EEF1A2: variants seen among roughly 807,000 people sequenced by gnomAD.
The protein encoded by EEF1A2 is elongation factor 1-alpha 2.
In EEF1A2, 5 loss-of-function variants were observed where a neutral mutation model predicts 39.3. The observed-to-expected ratio is 0.13, with a 90% CI of 0.07 to 0.27. The LOEUF is 0.27. Ranked by LOEUF, EEF1A2 falls within the 10% of genes least tolerant of loss-of-function variation. The pLI, the probability that EEF1A2 is intolerant of heterozygous loss-of-function variation, is 1.00. For synonymous variants in EEF1A2, 287 were observed against 293.7 expected, an observed-to-expected ratio of 0.98 and a Z score of 0.23; for missense variants, 218 against 681.4, an observed-to-expected ratio of 0.32 and a Z score of 7.57.
In EEF1A2 at chr20:63,488,979, G is replaced by C. The variant is rs758653621; in HGVS notation, c.1203C>G (p.Ile401Met). 3 of 1,612,584 alleles carry C rather than the reference G, an allele frequency of 1.9e-6. No homozygotes were observed. Among genetic ancestry groups the C allele is most frequent in the Middle Eastern group, 1.7e-4 (1 of 6,060 alleles). Residue 401 changes from isoleucine (I) to methionine (M), a missense_variant, in exon 7 of 8, where the codon ATC becomes ATG. This residue lies in a region of EEF1A2 where 80 missense variants were observed against 295.9 expected (regional missense o/e 0.27). Transcript: ENST00000217182. Reference sequence around the variant, plus strand: ...TGGGCTTTCCCGGCACCATCTCCACGATGGCCGCGTCTCCAGACTTCAGGG... The same window carrying C: ...TGGGCTTTCCCGGCACCATCTCCACCATGGCCGCGTCTCCAGACTTCAGGG... ...PKSLKSGDAA[I>M]VEMVPGKPMC...
intron 6 of EEF1A2, among the ~76,000 whole-genome samples, chr20:63,489,686 G>A (rs527972273): frequency 2.6e-5 from 4 of 152,286 alleles, no homozygotes; most frequent in East Asian, 1.9e-4. Context: ...GGGAGGCTGA[G>A]GCAGGAGAAT....
intron 5 of EEF1A2, 134 bp downstream of exon 5, chr20:63,493,003 G>T (rs994019040): frequency 2.4e-6 from 3 of 1,247,178 alleles, no homozygotes; most frequent in African/African-American, 3.1e-5. Context: ...ATGTGGGATG[G>T]ACTGTCCCAC....
intron 5 of EEF1A2, among the ~76,000 whole-genome samples, chr20:63,492,472 A>ATG (rs1568996215): frequency 0.044 from 1,652 of 37,748 alleles, no homozygotes; most frequent in African/African-American, 0.15. Context: ...ATGGATGGAG[A>ATG]GATGGATGGA....
In EEF1A2 at chr20:63,498,840, CG is replaced by C. The variant is rs1202309101; in HGVS notation, c.-72+217del. 6.6e-6 allele frequency: 1 copy of C among 150,684 alleles called. No homozygotes were observed. Among genetic ancestry groups the C allele is most frequent in the East Asian group, 2.0e-4 (1 of 5,072 alleles). The allele number at this position is 150,684 out of a possible 1,614,324, so 9.3% of individuals were successfully genotyped here. A position where few individuals can be genotyped will look rare whatever the true frequency, so the allele number is the denominator to read the frequency against. ...CCCCGCGGCCCCAAGGTCACGGCTA[CG>C]GGGCGATCGCCGCCCAGGACCCGGC... On this transcript the variant is annotated intron_variant, in intron 1 of 7. Coordinates refer to ENST00000217182, the MANE Select transcript of EEF1A2 (RefSeq NM_001958.5). This position sits in a 1 kb window ranked among gnomAD's most constrained non-coding sequence, Gnocchi z 4.1.
chr20:63,489,627 A>G (rs1568994720), intron 6 of EEF1A2, among the ~76,000 whole-genome samples: 1 of 152,158 alleles, frequency 6.6e-6, no homozygotes, highest in Non-Finnish European at 1.5e-5. Flanking sequence ...TACTAATAAT[A>G]CAAAAATTAG....
intron 4 of EEF1A2, among the ~76,000 whole-genome samples, chr20:63,493,567 C>T (rs1385649678): frequency 6.6e-6 from 1 of 152,192 alleles, no homozygotes; most frequent in East Asian, 1.9e-4. Context: ...AACAAATCCC[C>T]AGTCCAGCCC....
intron 5 of EEF1A2, among the ~76,000 whole-genome samples, chr20:63,492,490 A>G (rs2082391519): frequency 6.6e-6 from 1 of 152,008 alleles, no homozygotes; most frequent in African/African-American, 2.4e-5. Flanking sequence ...GGATGGATGG[A>G]TGGACAGAAG....
Position 63,489,266 on chromosome 20 carries a change from C to T in EEF1A2, c.1030-114G>A, listed in dbSNP as rs556211743. On this transcript the variant is annotated intron_variant, in intron 6 of 7. Transcript: ENST00000217182. ...GCGCCCCTGCACGGGCTCCTGGGCC[C>T]GGAGTGCTGACTGGAGGGGGCTCAG... 9.9e-5 allele frequency: 104 copies of T among 1,046,076 alleles called. 1 individual carries two copies. The highest frequency in any genetic ancestry group is 1.8e-4 in the East Asian group (7 of 38,490). The allele number at this position is 1,046,076 out of a possible 1,614,324, so 64.8% of individuals were successfully genotyped here.
intron 5 of EEF1A2, among the ~76,000 whole-genome samples, chr20:63,491,875 T>TGGGG (rs1448402618): frequency 1.3e-5 from 1 of 78,930 alleles, no homozygotes; most frequent in Non-Finnish European, 3.1e-5. Context: ...GGTGGATGGA[T>TGGGG]AGATGGATGG....
intron 4 of EEF1A2, among the ~76,000 whole-genome samples, 178 bp from the exon 5 acceptor site, chr20:63,493,465 A>T (rs1416922129): frequency 1.3e-5 from 2 of 151,984 alleles, no homozygotes; most frequent in Admixed American, 1.3e-4. Context: ...CATCACAGGG[A>T]CTCTGGGAAG....
At chr20:63,493,338 C>T in intron 4 of EEF1A2, 51 bp from the exon 5 acceptor site, 1 of 1,462,218 alleles carries the variant, frequency 6.8e-7, no homozygotes, top group Non-Finnish European at 9.1e-7. Context: ...GTGGCCTCCC[C>T]ACCCTCAGGC....
chr20:63,497,524 G>T lies in EEF1A2; in HGVS notation c.144+96C>A. On this transcript the variant is annotated intron_variant, in intron 2 of 7. Coordinates refer to ENST00000217182, the MANE Select transcript of EEF1A2 (RefSeq NM_001958.5). The surrounding 1 kb of genome is among the most constrained non-coding windows in gnomAD (Gnocchi z 7.3). ...TCCTGCCCTGGAGGAGGTCACCTGA[G>T]CCCCATGCCCTGGGGCTGGGAGATG... 6.5e-7 allele frequency: 1 copy of T among 1,528,920 alleles called. No homozygotes were observed. Among genetic ancestry groups the T allele is most frequent in the Non-Finnish European group, 8.8e-7 (1 of 1,136,632 alleles). The allele number at this position is 1,528,920 out of a possible 1,614,324, so 94.7% of individuals were successfully genotyped here.
Position 63,488,150 on chromosome 20 carries a change from G to A in EEF1A2, c.*148C>T, listed in dbSNP as rs1178008095. The A allele has an allele frequency of 2.8e-6, 1 of 352,750 alleles. No homozygotes were observed. The allele number at this position is 352,750 out of a possible 1,614,324, so 21.9% of individuals were successfully genotyped here. On this transcript the variant is annotated 3_prime_UTR_variant, in exon 8 of 8. Transcript: ENST00000217182. The stretch of plus-strand genomic sequence containing the variant: ...GGCGAGCATCCAGTCGCTGACCGAG[G>A]GCCTCTGGCAAGCGGAGGTGCAGAC...
In EEF1A2 at chr20:63,494,902, C is replaced by T. The variant is rs2145944783; in HGVS notation, c.524G>A (p.Ser175Asn). Reference sequence around the variant, plus strand: ...GTAGCCGATCTTCTTGATGTAGGCGCTGACTTCCTTGACGATCTCGTCGTA... The same window carrying T: ...GTAGCCGATCTTCTTGATGTAGGCGTTGACTTCCTTGACGATCTCGTCGTA... ...KRYDEIVKEV[S>N]AYIKKIGYNP... Residue 175 changes from serine to asparagine, a missense_variant, in exon 4 of 8, where the codon AGC becomes AAC. Coordinates refer to ENST00000217182, the MANE Select transcript of EEF1A2 (RefSeq NM_001958.5). 6.2e-7 allele frequency: 1 copy of T among 1,612,798 alleles called. No homozygotes were observed.
chr20:63,497,808 C>A lies in EEF1A2; in HGVS notation c.-45G>T. ...GCTGGCGGGACCCGGGGTGCTCTGGCTCAGGGCGAGGGGGGCTGCAGTGAT... is the reference window on the plus strand; with the variant it reads ...GCTGGCGGGACCCGGGGTGCTCTGGATCAGGGCGAGGGGGGCTGCAGTGAT... On this transcript the variant is annotated 5_prime_UTR_variant, in exon 2 of 8. Coordinates refer to ENST00000217182, the MANE Select transcript of EEF1A2 (RefSeq NM_001958.5). This position sits in a 1 kb window ranked among gnomAD's most constrained non-coding sequence, Gnocchi z 7.3. 1 of 1,593,534 alleles carries A rather than the reference C, an allele frequency of 6.3e-7. No homozygotes were observed. Among genetic ancestry groups the A allele is most frequent in the Non-Finnish European group, 8.6e-7 (1 of 1,169,568 alleles).
chr20:63,492,882 A>G (rs1465761652), intron 5 of EEF1A2, among the ~76,000 whole-genome samples: 1 of 144,762 alleles, frequency 6.9e-6, no homozygotes, highest in Non-Finnish European at 1.5e-5. Context: ...AGATGGATGG[A>G]TCGATGGATG....
chr20:63,490,467 G>A lies in EEF1A2; in HGVS notation c.1029+12C>T, dbSNP rs45510898. 0.034 allele frequency: 54,730 copies of A among 1,603,754 alleles called. 1,170 individuals carry two copies. The highest frequency in any genetic ancestry group is 0.088 in the African/African-American group (6,603 of 74,868). On this transcript the variant is annotated intron_variant, in intron 6 of 7. Transcript: ENST00000217182. ...CAGGCGCCAGCCCCCTGGACCCAGC[G>A]CAGCCCCCCACCTGGGAGGTGAACT...
At chr20:63,494,483 C>A (rs1035743576) in intron 4 of EEF1A2, among the ~76,000 whole-genome samples, 7 of 152,262 alleles carry the variant, frequency 4.6e-5, no homozygotes, top group Non-Finnish European at 8.8e-5. Context: ...TGAAACCGAC[C>A]GCCCCCATGG....
intron 5 of EEF1A2, among the ~76,000 whole-genome samples, chr20:63,492,211 T>C (rs55831530): frequency 3.2e-5 from 1 of 31,334 alleles, no homozygotes; most frequent in Non-Finnish European, 5.6e-5. Context: ...GATGGATGGA[T>C]AAATGGATGG....
Sources: allele counts gnomAD v4.1 joint callset (sites outside exome capture counted in the v4.1 genomes callset), GRCh38; gene constraint gnomAD v4.1.1; regional missense constraint gnomAD v4.1.1; non-coding constraint Gnocchi (gnomAD v3.1); transcripts MANE v1.5; gene names NCBI Gene and HGNC (gene_info 2026-07-23, HGNC 2026-07-21).